Variants in PXDNL observed in about 807,000 individuals in gnomAD.
The protein encoded by PXDNL is peroxidasin like, also known as probable oxidoreductase PXDNL.
Under a neutral mutation model 150.8 loss-of-function variants are expected in PXDNL, and 145 were observed. The observed-to-expected ratio is 0.96, with a 90% confidence interval of 0.84 to 1.10. PXDNL has a LOEUF of 1.10. PXDNL is among the 50% of genes least tolerant of loss of function. The pLI, the probability that PXDNL is intolerant of heterozygous loss-of-function variation, is 0.00. For synonymous variants in PXDNL, 757 were observed against 725.7 expected, an observed-to-expected ratio of 1.04 and a Z score of -0.69; for missense variants, 2,087 against 1,873.9, an observed-to-expected ratio of 1.11 and a Z score of -2.10.
intron 17 of PXDNL, among the ~76,000 whole-genome samples, chr8:51,406,504 G>C (rs917464676): frequency 6.6e-6 from 1 of 152,096 alleles, no homozygotes; most frequent in Admixed American, 6.5e-5. Flanking sequence ...AGATTCCCTT[G>C]CATGGCACAC....
intron 18 of PXDNL, 64 bp from the exon 19 acceptor site, chr8:51,372,145 C>G: frequency 5.2e-6 from 6 of 1,156,000 alleles, no homozygotes; most frequent in South Asian, 1.4e-5. Flanking sequence ...AGCTGCATGT[C>G]AAACAGCCAC....
intron 1 of PXDNL, among the ~76,000 whole-genome samples, chr8:51,742,256 G>A (rs1281414946): frequency 6.6e-6 from 1 of 152,212 alleles, no homozygotes; most frequent in African/African-American, 2.4e-5. Flanking sequence ...AGGGATGACA[G>A]GGACTGTAAA....
At chr8:51,491,274 A>G (rs1257068395) in intron 5 of PXDNL, among the ~76,000 whole-genome samples, 2 of 152,136 alleles carry the variant, frequency 1.3e-5, no homozygotes, top group African/African-American at 2.4e-5. Flanking sequence ...ACATCTATCT[A>G]TCCTATTAAT....
intron 1 of PXDNL, among the ~76,000 whole-genome samples, chr8:51,715,681 T>TGTAAG (rs1816601797): frequency 6.6e-6 from 1 of 152,150 alleles, no homozygotes; most frequent in Non-Finnish European, 1.5e-5. Context: ...AATAATTTAT[T>TGTAAG]CACCCTCCAA....
intron 5 of PXDNL, among the ~76,000 whole-genome samples, chr8:51,493,918 A>G (rs1298868559): frequency 3.8e-4 from 53 of 139,150 alleles, no homozygotes; most frequent in Admixed American, 6.5e-4. Flanking sequence ...CAAATTCAGG[A>G]AATACAGAGA....
intron 21 of PXDNL, among the ~76,000 whole-genome samples, chr8:51,329,766 A>T (rs1341362235): frequency 6.6e-6 from 1 of 152,234 alleles, no homozygotes; most frequent in Non-Finnish European, 1.5e-5. Flanking sequence ...TGGCTTCATC[A>T]GTAGACGTAA....
chr8:51,551,258 G>T (rs1376998378), intron 4 of PXDNL, among the ~76,000 whole-genome samples: 1 of 152,032 alleles, frequency 6.6e-6, no homozygotes, highest in Non-Finnish European at 1.5e-5. Context: ...ACTGCCAAAA[G>T]CAATCTATAA....
chr8:51,350,510 C>A (rs1218046825), intron 19 of PXDNL, among the ~76,000 whole-genome samples: 2 of 151,944 alleles, frequency 1.3e-5, no homozygotes. Flanking sequence ...CAGGCCCACA[C>A]TACCCGGCTA....
rs568057145 is a variant in PXDNL, at chr8:51,678,379, T to TACTC, written c.165-23623_165-23620dup. On this transcript the variant is annotated intron_variant, in intron 1 of 22. Transcript: ENST00000356297. Reference sequence around the variant, plus strand: ...CACCTATTTTTGTGTGTCCCGAAGGTACTCTGTAGAATTTAACATTAAAAA... The same window carrying TACTC: ...CACCTATTTTTGTGTGTCCCGAAGGTACTCACTCTGTAGAATTTAACATTAAAAA... Among the ~76,000 whole-genome samples, 189 of 152,308 alleles carry TACTC rather than the reference T, an allele frequency of 1.2e-3. 1 individual carries two copies. The highest frequency in any genetic ancestry group is 4.3e-3 in the African/African-American group (179 of 41,560).
chr8:51,805,348 TAA>T (rs1003496247), intron 1 of PXDNL, among the ~76,000 whole-genome samples: 5 of 148,410 alleles, frequency 3.4e-5, no homozygotes, highest in Non-Finnish European at 7.4e-5. Flanking sequence ...ATTTTATATA[TAA>T]AACTTTATAT....
intron 3 of PXDNL, among the ~76,000 whole-genome samples, chr8:51,573,755 C>A (rs1258179313): frequency 6.6e-6 from 1 of 151,912 alleles, no homozygotes; most frequent in African/African-American, 2.4e-5. Flanking sequence ...CTCCTCTCCA[C>A]CCAAAAATAT....
At chr8:51,658,344 G>GAAAAAAGAAAA (rs1815195249) in intron 1 of PXDNL, among the ~76,000 whole-genome samples, 1 of 94,232 alleles carries the variant, frequency 1.1e-5, no homozygotes, top group Non-Finnish European at 2.1e-5. Context: ...CCTGTCTCAA[G>GAAAAAAGAAAA]AAAAAAAAAA....
At chr8:51,546,425 T>C (rs970102812) in intron 4 of PXDNL, among the ~76,000 whole-genome samples, 4 of 152,050 alleles carry the variant, frequency 2.6e-5, no homozygotes, top group Non-Finnish European at 5.9e-5. Context: ...TAAAAGTAGA[T>C]AAAGCAGCAG....
intron 1 of PXDNL, among the ~76,000 whole-genome samples, chr8:51,655,119 G>C (rs112080518): frequency 3.3e-5 from 5 of 152,262 alleles, no homozygotes; most frequent in African/African-American, 1.2e-4. Flanking sequence ...ATTTAGTTTG[G>C]AAAATAATTG....
rs959738563 is a variant in PXDNL, at chr8:51,446,683, G to A, written c.1525+321C>T. ...AGAGTGAGATTCAGCACGTCAGGCC[G>A]AGAAGCTGCATTCTTTTGTAAGACA... On this transcript the variant is annotated intron_variant, in intron 12 of 22. Coordinates refer to ENST00000356297, the MANE Select transcript of PXDNL (RefSeq NM_144651.5). Among the ~76,000 whole-genome samples the A allele has an allele frequency of 4.6e-5, 7 of 152,174 alleles. No homozygotes were observed. The South Asian group carries it at 6.2e-4, about 14-fold the overall frequency.
intron 3 of PXDNL, among the ~76,000 whole-genome samples, chr8:51,589,233 T>G (rs1317553810): frequency 6.6e-6 from 1 of 152,190 alleles, no homozygotes. Context: ...CAGTCTGTAG[T>G]GTTCTCTCAC....
chr8:51,516,297 A>C (rs200815559), intron 4 of PXDNL, among the ~76,000 whole-genome samples: 5 of 152,228 alleles, frequency 3.3e-5, no homozygotes, highest in Non-Finnish European at 7.3e-5. Context: ...AAAATATAGC[A>C]CAGCCACTTT....
rs1163628780 is a variant in PXDNL, at chr8:51,350,354, C to CTTTTTTTTTTTTTTT, written c.3902-4422_3902-4408dup. On this transcript the variant is annotated intron_variant, in intron 19 of 22. Transcript: ENST00000356297. Reference sequence around the variant, plus strand: ...AGTCTTTTATTAGCAAATGCAGCTTCTTTTTTTTTTTTTTTTTTTTTTGAG... The same window carrying CTTTTTTTTTTTTTTT: ...AGTCTTTTATTAGCAAATGCAGCTTCTTTTTTTTTTTTTTTTTTTTTTTTTTTTTTTTTTTTTGAG... Among the ~76,000 whole-genome samples the CTTTTTTTTTTTTTTT allele has an allele frequency of 1.5e-3, 117 of 77,892 alleles. 6 individuals are homozygous for CTTTTTTTTTTTTTTT. Among genetic ancestry groups the CTTTTTTTTTTTTTTT allele is most frequent in the African/African-American group, 3.7e-3 (71 of 19,156 alleles). The allele number at this position is 77,892 out of a possible 152,430, so 51.1% of individuals were successfully genotyped here.
intron 4 of PXDNL, among the ~76,000 whole-genome samples, chr8:51,513,776 G>T (rs1811475905): frequency 6.6e-6 from 1 of 152,154 alleles, no homozygotes; most frequent in Non-Finnish European, 1.5e-5. Flanking sequence ...ATTTAAGTTT[G>T]CTCCACAAGA....
Sources: gnomAD v4.1 joint callset for allele counts (sites outside exome capture counted in the v4.1 genomes callset) on GRCh38, gnomAD v4.1.1 for gene constraint, MANE v1.5 for transcripts, NCBI Gene and HGNC (gene_info 2026-07-23, HGNC 2026-07-21) for gene names.